The following MAP4K3 variants were observed in gnomAD, a reference collection of about 807,000 sequenced individuals.
MAP4K3 encodes MAPK/ERK kinase kinase kinase 3.
MAP4K3 carries 94 observed loss-of-function variants against 143.5 expected under a neutral mutation model. The ratio of observed to expected loss-of-function variants is 0.65; its 90% CI spans 0.55 to 0.78. MAP4K3 has a LOEUF of 0.78. Among genes scored for constraint, MAP4K3 ranks in the 30% least tolerant of loss-of-function variants. MAP4K3 has a pLI of 0.00. For synonymous variants in MAP4K3, 416 were observed against 347.2 expected, an observed-to-expected ratio of 1.20 and a Z score of -2.20; for missense variants, 1,077 against 1,068.1, an observed-to-expected ratio of 1.01 and a Z score of -0.12.
Position 39,408,056 on chromosome 2 carries a change from T to C in MAP4K3, c.96+28836A>G, listed in dbSNP as rs1047584541. On this transcript the variant is annotated intron_variant, in intron 1 of 33. Coordinates refer to ENST00000263881, the MANE Select transcript of MAP4K3 (RefSeq NM_003618.4). Reference sequence around the variant, plus strand: ...TCAGGACTGCTCTTATCTACAAAGCTTTTAACCCTTGAGCCTTAAAGGGAA... The same window carrying C: ...TCAGGACTGCTCTTATCTACAAAGCCTTTAACCCTTGAGCCTTAAAGGGAA... Among the ~76,000 whole-genome samples, 22 of 152,190 alleles carry C rather than the reference T, an allele frequency of 1.4e-4. 1 individual carries two copies. The highest frequency in any genetic ancestry group is 5.3e-4 in the African/African-American group (22 of 41,432).
At chr2:39,367,287 G>C (rs1665948702) in intron 2 of MAP4K3, among the ~76,000 whole-genome samples, 1 of 152,164 alleles carries the variant, frequency 6.6e-6, no homozygotes, top group Non-Finnish European at 1.5e-5. Flanking sequence ...CACACCTGTA[G>C]TCCCAGAACT....
At chr2:39,288,835 G>C (rs1280942489) in intron 19 of MAP4K3, among the ~76,000 whole-genome samples, 1 of 152,088 alleles carries the variant, frequency 6.6e-6, no homozygotes, top group Non-Finnish European at 1.5e-5. Context: ...AGCGGATCAC[G>C]AGGTCAGGAG....
In MAP4K3 at chr2:39,266,222, C is replaced by G. The variant is rs116109507; in HGVS notation, c.2033-916G>C. Among the ~76,000 whole-genome samples, 909 of 152,362 alleles carry G rather than the reference C, an allele frequency of 6.0e-3. 15 individuals are homozygous for G. Among genetic ancestry groups the G allele is most frequent in the African/African-American group, 0.021 (871 of 41,584 alleles). On this transcript the variant is annotated intron_variant, in intron 27 of 33. Coordinates refer to ENST00000263881, the MANE Select transcript of MAP4K3 (RefSeq NM_003618.4). ...GTCATCCTCTTTTGCTCTAAACCAG[C>G]TGTTCTCGCTTCCTGTTAACACTTG...
At position 39,336,793 on chromosome 2, in the gene MAP4K3, ATCAC is replaced by A. The variant is rs545571518; in HGVS notation, c.414+123_414+126del. On this transcript the variant is annotated intron_variant, in intron 6 of 33. Transcript: ENST00000263881. The stretch of plus-strand genomic sequence containing the variant: ...TATAAAAAATTAAACTATTAAAAGT[ATCAC>A]TCATTTTTATTATGGTAACATTTCA... The A allele has an allele frequency of 1.5e-3, 633 of 430,606 alleles. 4 individuals are homozygous for A. The highest frequency in any genetic ancestry group is 0.012 in the African/African-American group (588 of 48,238). 26.7% of individuals were successfully genotyped at this position (430,606 alleles called of 1,614,324 possible).
intron 1 of MAP4K3, among the ~76,000 whole-genome samples, chr2:39,403,515 A>AG (rs1190053940): frequency 6.6e-6 from 1 of 152,086 alleles, no homozygotes; most frequent in Non-Finnish European, 1.5e-5. Context: ...CTCAGCTGAC[A>AG]CCCGACCATG....
At chr2:39,304,566 A>T (rs1239793809) in intron 15 of MAP4K3, among the ~76,000 whole-genome samples, 2 of 152,268 alleles carry the variant, frequency 1.3e-5, no homozygotes, top group Non-Finnish European at 2.9e-5. Flanking sequence ...ACAGAGGATA[A>T]TAACAAATGC....
intron 1 of MAP4K3, among the ~76,000 whole-genome samples, chr2:39,405,209 G>A (rs946749774): frequency 4.6e-5 from 7 of 152,170 alleles, no homozygotes; most frequent in African/African-American, 1.4e-4. Flanking sequence ...CCCAGCTCCA[G>A]GCAGCTCAGA....
At chr2:39,296,586 A>G (rs1682291418) in intron 16 of MAP4K3, among the ~76,000 whole-genome samples, 1 of 152,260 alleles carries the variant, frequency 6.6e-6, no homozygotes, top group African/African-American at 2.4e-5. Context: ...CAAAATACTC[A>G]GCATATTTGC....
intron 1 of MAP4K3, among the ~76,000 whole-genome samples, chr2:39,390,871 A>C (rs1666632640): frequency 6.6e-6 from 1 of 152,182 alleles, no homozygotes; most frequent in African/African-American, 2.4e-5. Context: ...ATCGCCCTAT[A>C]AACACGATGG....
At chr2:39,329,278 A>G (rs1683607870) in intron 8 of MAP4K3, among the ~76,000 whole-genome samples, 1 of 152,232 alleles carries the variant, frequency 6.6e-6, no homozygotes, top group Admixed American at 6.5e-5. Flanking sequence ...AAATGACAGC[A>G]ATTCAAGCCC....
intron 1 of MAP4K3, among the ~76,000 whole-genome samples, chr2:39,418,685 T>C (rs896155806): frequency 2.6e-5 from 4 of 151,822 alleles, no homozygotes; most frequent in Non-Finnish European, 5.9e-5. Context: ...ACAGCATACA[T>C]ACTTCATTCT....
In MAP4K3 at chr2:39,280,362, G is replaced by C; in HGVS notation, c.1630-6C>G. ...TTTGAAAAACATGCACCCATCTAGG[G>C]AAACAAAGAATAACCAATATGAAAC... On this transcript the variant is annotated splice_region_variant and splice_polypyrimidine_tract_variant and intron_variant, in intron 22 of 33. Transcript: ENST00000263881. 1.3e-6 allele frequency: 2 copies of C among 1,564,558 alleles called. No individual in the cohort carries two copies. The highest frequency in any genetic ancestry group is 1.8e-6 in the Non-Finnish European group (2 of 1,141,522).
chr2:39,257,090 A>G (rs1337479926), intron 31 of MAP4K3, among the ~76,000 whole-genome samples: 1 of 152,206 alleles, frequency 6.6e-6, no homozygotes, highest in African/African-American at 2.4e-5. Context: ...AATGTAGAAA[A>G]CAGAACCAGG....
chr2:39,351,523 T>C (rs1476645148), intron 3 of MAP4K3, among the ~76,000 whole-genome samples: 1 of 32,678 alleles, frequency 3.1e-5, no homozygotes, highest in Non-Finnish European at 8.9e-5. Context: ...AGGTTTTAGA[T>C]ATCTTTCTGT....
intron 24 of MAP4K3, among the ~76,000 whole-genome samples, chr2:39,277,526 G>A (rs1186331135): frequency 3.3e-5 from 5 of 152,016 alleles, no homozygotes; most frequent in African/African-American, 1.2e-4. Context: ...GACTAGTCCT[G>A]TTAACCTGTC....
At chr2:39,361,446 GA>G (rs1314547336) in intron 2 of MAP4K3, among the ~76,000 whole-genome samples, 2 of 144,710 alleles carry the variant, frequency 1.4e-5, no homozygotes, top group Non-Finnish European at 3.0e-5. Flanking sequence ...AAACCCAAAA[GA>G]AAAAAAAATA....
chr2:39,343,360 C>A (rs1339673428), intron 4 of MAP4K3, 28 bp downstream of exon 4: 2 of 1,513,790 alleles, frequency 1.3e-6, no homozygotes, highest in South Asian at 2.3e-5. Context: ...TCAACCTAAC[C>A]CCTATAAAAA....
chr2:39,384,509 G>A (rs1025201903), intron 1 of MAP4K3, among the ~76,000 whole-genome samples: 5 of 152,236 alleles, frequency 3.3e-5, no homozygotes, highest in Admixed American at 3.3e-4. Context: ...TTGCGCCACT[G>A]CGCTCCAGCC....
intron 12 of MAP4K3, among the ~76,000 whole-genome samples, chr2:39,317,503 C>T (rs1006395920): frequency 1.3e-5 from 2 of 151,552 alleles, no homozygotes; most frequent in African/African-American, 4.8e-5. Context: ...AAATTTTTGC[C>T]AACTATGCAT....
Sources: gnomAD v4.1 joint callset for allele counts (sites outside exome capture counted in the v4.1 genomes callset) on GRCh38, gnomAD v4.1.1 for gene constraint, MANE v1.5 for transcripts, NCBI Gene and HGNC (gene_info 2026-07-23, HGNC 2026-07-21) for gene names.